NAALADL2: variants seen among roughly 807,000 people sequenced by gnomAD.
The protein encoded by NAALADL2 is inactive N-acetylated-alpha-linked acidic dipeptidase-like protein 2.
A neutral mutation model predicts 87.2 loss-of-function variants in NAALADL2; 76 were observed. The ratio of observed to expected loss-of-function variants is 0.87; its 90% CI spans 0.72 to 1.05. The LOEUF (loss-of-function observed/expected upper bound fraction) is 1.05. Among genes scored for constraint, NAALADL2 ranks in the 50% least tolerant of loss-of-function variants. The pLI is 0.00. For synonymous variants in NAALADL2, 354 were observed against 331.0 expected (o/e 1.07, Z -0.75); for missense variants, 1,089 against 945.8 (o/e 1.15, Z -1.99).
At chr3:174,909,063 A>C (rs1342535791) in intron 1 of NAALADL2, among the ~76,000 whole-genome samples, 2 of 152,034 alleles carry the variant, frequency 1.3e-5, no homozygotes, top group Non-Finnish European at 2.9e-5. Context: ...AACTGAATTC[A>C]CAGTAGCTAA....
chr3:174,584,634 A>G (rs1400889137), intron 2 of NAALADL2, among the ~76,000 whole-genome samples: 1 of 152,148 alleles, frequency 6.6e-6, no homozygotes, highest in African/African-American at 2.4e-5. Flanking sequence ...ACAAATCTCC[A>G]TAATGCATGA....
chr3:174,835,096 T>C (rs1256627861), intron 3 of NAALADL2, among the ~76,000 whole-genome samples: 1 of 151,990 alleles, frequency 6.6e-6, no homozygotes, highest in Non-Finnish European at 1.5e-5. Flanking sequence ...TGTAAGCATA[T>C]GGACCCATGG....
rs182414417 is a variant in NAALADL2, at chr3:174,966,614, C to T, written c.43+107164C>T. 1.2e-3 allele frequency among the ~76,000 whole-genome samples: 188 copies of T among 151,910 alleles called. 2 individuals are homozygous for T. Among genetic ancestry groups the T allele is most frequent in the South Asian group, 6.3e-4 (3 of 4,794 alleles). On this transcript the variant is annotated intron_variant, in intron 1 of 13. Coordinates refer to ENST00000454872, the MANE Select transcript of NAALADL2 (RefSeq NM_207015.3). ...TTTCACTTATGTGATTGTTAGATGG[C>T]GGTAACAGAGAATAGGAAAGGAAGA...
intron 2 of NAALADL2, among the ~76,000 whole-genome samples, chr3:175,100,740 A>G (rs1222440289): frequency 2.7e-5 from 4 of 149,126 alleles, no homozygotes. Flanking sequence ...TGGGAGGCTG[A>G]GGCAGGGAGA....
chr3:175,451,983 G>C (rs190163204), intron 6 of NAALADL2, among the ~76,000 whole-genome samples: 1 of 152,092 alleles, frequency 6.6e-6, no homozygotes, highest in Non-Finnish European at 1.5e-5. Flanking sequence ...CATTTCTTGA[G>C]TACAAATTTA....
intron 2 of NAALADL2, among the ~76,000 whole-genome samples, chr3:175,142,508 A>G (rs1012618225): frequency 2.6e-5 from 4 of 152,036 alleles, no homozygotes; most frequent in Non-Finnish European, 5.9e-5. Flanking sequence ...AAGTCTGTGA[A>G]GTAATTTGCT....
At chr3:174,785,475 T>C (rs1716529052) in intron 3 of NAALADL2, among the ~76,000 whole-genome samples, 1 of 152,208 alleles carries the variant, frequency 6.6e-6, no homozygotes, top group Non-Finnish European at 1.5e-5. Context: ...TATTTCTGGG[T>C]TCTCTATTCT....
chr3:175,456,987 G>A (rs998214962), intron 6 of NAALADL2, among the ~76,000 whole-genome samples: 11 of 151,924 alleles, frequency 7.2e-5, no homozygotes, highest in African/African-American at 2.7e-4. Flanking sequence ...ATCTCATGAG[G>A]ATATTCAAGC....
intron 10 of NAALADL2, among the ~76,000 whole-genome samples, chr3:175,577,705 C>T (rs1582474895): frequency 6.6e-6 from 1 of 152,044 alleles, no homozygotes; most frequent in Non-Finnish European, 1.5e-5. Context: ...AATGGAGTCC[C>T]CTATGCTTTA....
At chr3:175,783,281 G>A (rs564500460) in intron 13 of NAALADL2, among the ~76,000 whole-genome samples, 1,817 of 152,058 alleles carry the variant, frequency 0.012, 24 homozygotes, top group African/African-American at 0.04. Context: ...CATTGAATCT[G>A]TAAATTACCT....
chr3:175,324,289 G>A lies in NAALADL2; in HGVS notation c.1054G>A (p.Gly352Arg). The A allele has an allele frequency of 4.3e-6, 7 of 1,613,446 alleles. No homozygotes were observed. Among genetic ancestry groups the A allele is most frequent in the Non-Finnish European group, 5.9e-6 (7 of 1,179,658 alleles). Residue 352 changes from glycine to arginine, a missense_variant, in exon 5 of 14, where the codon GGA becomes AGA. By Grantham distance (125) the Gly-to-Arg change is moderately radical. Transcript: ENST00000454872. ...HDTFMVSLNP[G>R]GDPSTPGYPS... ...TACCTTCATGGTGTCACTGAATCCA[G>A]GAGGAGACCCTTCTACGCCTGGTTA...
intron 9 of NAALADL2, among the ~76,000 whole-genome samples, chr3:175,475,465 C>G (rs912104333): frequency 6.6e-6 from 1 of 152,088 alleles, no homozygotes; most frequent in Non-Finnish European, 1.5e-5. Context: ...ATTGATTTTG[C>G]CTTTAGAAAA....
intron 2 of NAALADL2, among the ~76,000 whole-genome samples, chr3:174,668,489 T>C (rs2108795768): frequency 6.6e-6 from 1 of 152,314 alleles, no homozygotes; most frequent in Admixed American, 6.5e-5. Flanking sequence ...GTTACATATG[T>C]ATACATGTGC....
Position 175,463,478 on chromosome 3 carries a change from G to T in NAALADL2, c.1312G>T (p.Gly438Cys). 1 of 1,589,842 alleles carries T rather than the reference G, an allele frequency of 6.3e-7. No individual in the cohort carries two copies. The highest frequency in any genetic ancestry group is 2.3e-5 in the East Asian group (1 of 44,258). The change falls in exon 7 of 14, where the codon GGC becomes TGC. Residue 438 changes from glycine to cysteine, a missense_variant. Physicochemically the swap from Gly to Cys is radical, Grantham distance 159. Coordinates refer to ENST00000454872, the MANE Select transcript of NAALADL2 (RefSeq NM_207015.3). ...TVTNVVGFVM[G>C]LTSPDRYIIV... ...TACTAATGTTGTTGGATTTGTAATG[G>T]GCTTGACATCTCCAGGTAAGTAGGG...
intron 3 of NAALADL2, among the ~76,000 whole-genome samples, chr3:174,786,483 AGG>A (rs1716688467): frequency 7.3e-6 from 1 of 137,878 alleles, no homozygotes; most frequent in African/African-American, 2.5e-5. Context: ...ATAAATGAAA[AGG>A]AGAAAAAAAA....
chr3:175,160,990 G>A (rs540559048), intron 2 of NAALADL2, among the ~76,000 whole-genome samples: 16 of 151,816 alleles, frequency 1.1e-4, no homozygotes, highest in South Asian at 1.0e-3. Flanking sequence ...TTCCTATTTC[G>A]GTGGGATAGT....
rs1581182749 is a variant in NAALADL2 at position 175,265,055 on chromosome 3, T to G, written c.939+8525T>G. Among the ~76,000 whole-genome samples, 3 of 151,410 alleles carry G rather than the reference T, an allele frequency of 2.0e-5. No homozygotes were observed. In the South Asian group the frequency reaches 6.2e-4, roughly 31 times the overall value. ...AACATTCATCGAAAGTCAGCTGACA[T>G]TTAATTTAATCATATGGAAAGATTT... On this transcript the variant is annotated intron_variant, in intron 4 of 13. Transcript: ENST00000454872.
intron 1 of NAALADL2, among the ~76,000 whole-genome samples, chr3:175,075,321 T>G (rs1052600488): frequency 1.3e-5 from 2 of 151,868 alleles, no homozygotes; most frequent in Non-Finnish European, 2.9e-5. Flanking sequence ...TTAGTCTGCT[T>G]TATGCAAAGC....
intron 9 of NAALADL2, among the ~76,000 whole-genome samples, chr3:175,535,517 A>G (rs1383072934): frequency 1.3e-5 from 2 of 152,214 alleles, no homozygotes; most frequent in African/African-American, 4.8e-5. Context: ...AACACCTACC[A>G]TACCCACAGC....
Sources: gnomAD v4.1 joint callset for allele counts (sites outside exome capture counted in the v4.1 genomes callset) on GRCh38, gnomAD v4.1.1 for gene constraint, MANE v1.5 for transcripts, NCBI Gene and HGNC (gene_info 2026-07-23, HGNC 2026-07-21) for gene names.